ASAP2: variants seen among roughly 807,000 people sequenced by gnomAD.
The protein encoded by ASAP2 is arf-GAP with SH3 domain, ANK repeat and PH domain-containing protein 2.
Under a neutral mutation model 131.4 loss-of-function variants are expected in ASAP2, and 45 were observed. The ratio of observed to expected loss-of-function variants is 0.34; its 90% CI spans 0.27 to 0.44. The LOEUF (loss-of-function observed/expected upper bound fraction) is 0.44, where lower values mean the gene tolerates loss of function less well. Ranked by LOEUF, ASAP2 falls within the 20% of genes least tolerant of loss-of-function variation. The pLI is 1.00. For synonymous variants in ASAP2, 510 were observed against 503.0 expected (o/e 1.01, Z -0.19); for missense variants, 1,011 against 1,297.0 (o/e 0.78, Z 3.39).
At position 9,405,457 on chromosome 2, in the gene ASAP2, A is replaced by G. The variant is rs1416089048; in HGVS notation, c.*2130A>G. On this transcript the variant is annotated 3_prime_UTR_variant, in exon 28 of 28. Coordinates refer to ENST00000281419, the MANE Select transcript of ASAP2 (RefSeq NM_003887.3). ...AACTGTGTGATCTGTTAAGGGGTGG[A>G]TAACATAATATGCAGCTTAGGATGC... The G allele has an allele frequency of 1.3e-5, 2 of 152,648 alleles. No homozygotes were observed. Among genetic ancestry groups the G allele is most frequent in the Non-Finnish European group, 2.9e-5 (2 of 68,046 alleles). The allele number at this position is 152,648 out of a possible 1,614,324, so 9.5% of individuals were successfully genotyped here.
Position 9,404,741 on chromosome 2 carries a change from T to A in ASAP2, c.*1414T>A, listed in dbSNP as rs1677064003. ...TATTATGCAAGACTGTGTAGAGTTT[T>A]TTTTTTTTTTGGCATTGTACTTTTT... On this transcript the variant is annotated 3_prime_UTR_variant, in exon 28 of 28. Transcript: ENST00000281419. 1 of 152,504 alleles carries A rather than the reference T, an allele frequency of 6.6e-6. No individual in the cohort carries two copies. Among genetic ancestry groups the A allele is most frequent in the Admixed American group, 6.5e-5 (1 of 15,286 alleles). The allele number at this position is 152,504 out of a possible 1,614,324, so 9.4% of individuals were successfully genotyped here.
chr2:9,297,304 C>G lies in ASAP2; in HGVS notation c.204C>G (p.His68Gln). ...ACCTCCGTCATTCTGTTGCAGCTCA[C>G]GTGGAAAATGAAGAGCAGTACACCC... is the stretch of plus-strand genomic sequence containing the variant. ...VKAINSSGLAHVENEEQYTQA... is the reference protein window; with the variant it reads ...VKAINSSGLAQVENEEQYTQA... The change falls in exon 3 of 28, where the codon CAC (histidine) becomes CAG (glutamine). Residue 68 changes from histidine (H) to glutamine (Q), a missense_variant. Transcript: ENST00000281419. The G allele has an allele frequency of 1.2e-6, 2 of 1,613,268 alleles. No individual in the cohort carries two copies. Among genetic ancestry groups the G allele is most frequent in the Non-Finnish European group, 1.7e-6 (2 of 1,179,418 alleles).
chr2:9,243,732 C>T (rs1199361474), intron 1 of ASAP2, among the ~76,000 whole-genome samples: 1 of 152,188 alleles, frequency 6.6e-6, no homozygotes, highest in Non-Finnish European at 1.5e-5. Context: ...TACGTAGTCA[C>T]TCATTCATCT....
intron 12 of ASAP2, among the ~76,000 whole-genome samples, chr2:9,352,562 C>T (rs1300721927): frequency 6.6e-6 from 1 of 152,234 alleles, no homozygotes; most frequent in Non-Finnish European, 1.5e-5. Context: ...TGCAGAAGCA[C>T]TTGCTCCAAT....
At chr2:9,299,006 A>T (rs1668325870) in intron 3 of ASAP2, among the ~76,000 whole-genome samples, 1 of 152,198 alleles carries the variant, frequency 6.6e-6, no homozygotes, top group Non-Finnish European at 1.5e-5. Flanking sequence ...GAGTAGAGGA[A>T]ATCTCTCAGA....
intron 20 of ASAP2, among the ~76,000 whole-genome samples, chr2:9,383,528 G>A (rs954545542): frequency 6.6e-6 from 1 of 152,068 alleles, no homozygotes; most frequent in Non-Finnish European, 1.5e-5. Context: ...CAAAATGCTG[G>A]GATTACAGGT....
intron 1 of ASAP2, among the ~76,000 whole-genome samples, chr2:9,251,441 C>T (rs1171228847): frequency 3.3e-5 from 5 of 152,214 alleles, no homozygotes; most frequent in Admixed American, 6.5e-5. Context: ...TGGGTCTGGG[C>T]GCAAAGCATG....
At chr2:9,366,854 C>G (rs1673510729) in intron 15 of ASAP2, among the ~76,000 whole-genome samples, 1 of 152,186 alleles carries the variant, frequency 6.6e-6, no homozygotes, top group African/African-American at 2.4e-5. Context: ...GCATCCTCCA[C>G]TAGCCCACTA....
intron 10 of ASAP2, 27 bp downstream of exon 10, chr2:9,344,662 T>C (rs1262338088): frequency 1.9e-6 from 3 of 1,612,846 alleles, no homozygotes; most frequent in East Asian, 4.5e-5. Flanking sequence ...GGCTAGAGTT[T>C]AAATGTACGT....
chr2:9,328,219 T>C (rs1329565876), intron 7 of ASAP2, among the ~76,000 whole-genome samples: 3 of 152,184 alleles, frequency 2.0e-5, no homozygotes, highest in Non-Finnish European at 1.5e-5. Context: ...AAATGGCTGC[T>C]AACGGGTATA....
chr2:9,365,918 A>G (rs1466379228), intron 15 of ASAP2, among the ~76,000 whole-genome samples: 1 of 152,010 alleles, frequency 6.6e-6, no homozygotes, highest in African/African-American at 2.4e-5. Flanking sequence ...TGGGTGATAC[A>G]GAACTTAAAC....
intron 19 of ASAP2, among the ~76,000 whole-genome samples, chr2:9,379,700 C>G (rs1315935573): frequency 1.3e-5 from 2 of 152,136 alleles, no homozygotes; most frequent in East Asian, 3.8e-4. Flanking sequence ...CCGTGCTTAT[C>G]ATTAAAAAAC....
At chr2:9,278,977 G>T (rs10192751) in intron 1 of ASAP2, among the ~76,000 whole-genome samples, 15,054 of 152,242 alleles carry the variant, frequency 0.099, 780 homozygotes, top group Admixed American at 0.13. Context: ...CAAGGAGAAC[G>T]GAGGGTTCGG....
intron 15 of ASAP2, among the ~76,000 whole-genome samples, chr2:9,362,198 A>G (rs542079212): frequency 6.6e-6 from 1 of 152,264 alleles, no homozygotes; most frequent in South Asian, 2.1e-4. Context: ...GTTGCATGCC[A>G]TGCAGGGCCT....
chr2:9,400,565 C>T (rs1676576277), intron 25 of ASAP2, among the ~76,000 whole-genome samples, 177 bp from the exon 26 acceptor site: 1 of 152,018 alleles, frequency 6.6e-6, no homozygotes, highest in Non-Finnish European at 1.5e-5. Context: ...GGGGGACACT[C>T]GCTGCCACAC....
At position 9,219,781 on chromosome 2, in the gene ASAP2, G is replaced by C. The variant is rs138435141; in HGVS notation, c.126+12551G>C. Among the ~76,000 whole-genome samples the C allele has an allele frequency of 6.0e-3, 912 of 152,214 alleles. 9 individuals are homozygous for C. Among genetic ancestry groups the C allele is most frequent in the African/African-American group, 0.021 (868 of 41,532 alleles). On this transcript the variant is annotated intron_variant, in intron 1 of 27. Transcript: ENST00000281419. ...AAGAGGTTTTTAGTGTACTCACAAAGTTGTGTAGCCATCACCACTATTTAA... is the reference window on the plus strand; with the variant it reads ...AAGAGGTTTTTAGTGTACTCACAAACTTGTGTAGCCATCACCACTATTTAA...
At chr2:9,309,341 C>T (rs901474261) in intron 3 of ASAP2, among the ~76,000 whole-genome samples, 4 of 152,204 alleles carry the variant, frequency 2.6e-5, no homozygotes, top group Admixed American at 1.3e-4. Flanking sequence ...ATCGCACAGT[C>T]ATGCGCAGTC....
chr2:9,249,417 G>T (rs1664558392), intron 1 of ASAP2, among the ~76,000 whole-genome samples: 1 of 152,188 alleles, frequency 6.6e-6, no homozygotes, highest in Non-Finnish European at 1.5e-5. Context: ...GTTTCATTCT[G>T]ATGAACTTGA....
rs777158171 is a variant in ASAP2, at chr2:9,327,833, T to C, written c.608T>C (p.Leu203Pro). 3.8e-6 allele frequency: 6 copies of C among 1,594,082 alleles called. No homozygotes were observed. Among genetic ancestry groups the C allele is most frequent in the Non-Finnish European group, 8.5e-7 (1 of 1,173,260 alleles). ...FFQLQMCEYL[L>P]KVNEIKIKKG... ...CTTTTCATTGTTCAACAGTATCTGC[T>C]GAAGGTCAACGAAATCAAGATTAAA... is the stretch of plus-strand genomic sequence containing the variant. The change falls in exon 7 of 28, where the codon CTG becomes CCG. Residue 203 changes from leucine to proline, a missense_variant. By Grantham distance (98) the Leu-to-Pro change is moderately conservative. Around this residue, in one of 2 missense-constraint regions of ASAP2, gnomAD observed 359 missense variants for 598.1 expected, o/e 0.60. Transcript: ENST00000281419.
Sources: allele counts gnomAD v4.1 joint callset (sites outside exome capture counted in the v4.1 genomes callset), GRCh38; gene constraint gnomAD v4.1.1; regional missense constraint gnomAD v4.1.1; transcripts MANE v1.5; gene names NCBI Gene and HGNC (gene_info 2026-07-23, HGNC 2026-07-21).